The following PTPRK variants were observed in gnomAD, a reference collection of about 807,000 sequenced individuals.
PTPRK encodes the protein receptor-type tyrosine-protein phosphatase kappa.
Under a neutral mutation model 178.0 loss-of-function variants are expected in PTPRK, and 75 were observed. The ratio of observed to expected loss-of-function variants is 0.42; its 90% CI spans 0.35 to 0.51. The LOEUF (loss-of-function observed/expected upper bound fraction) is 0.51. PTPRK is among the 20% of genes least tolerant of loss of function. The probability of loss-of-function intolerance (pLI) is 0.02; values close to 1 mark genes in which losing one functional copy is unlikely to be tolerated. For missense variants in PTPRK, 1,441 were observed against 1,797.8 expected, an observed-to-expected ratio of 0.80 and a Z score of 3.59; for synonymous variants, 637 against 620.6, an observed-to-expected ratio of 1.03 and a Z score of -0.39.
intron 1 of PTPRK, among the ~76,000 whole-genome samples, chr6:128,506,420 A>G (rs1428315282): frequency 6.6e-6 from 1 of 152,052 alleles, no homozygotes; most frequent in Non-Finnish European, 1.5e-5. Flanking sequence ...CCCTCAACCT[A>G]CCTAGAGAAT....
chr6:128,479,533 C>T (rs1415923601), intron 1 of PTPRK, among the ~76,000 whole-genome samples: 1 of 152,008 alleles, frequency 6.6e-6, no homozygotes, highest in Non-Finnish European at 1.5e-5. Flanking sequence ...TTGTAGTAAA[C>T]AGATTGGGAG....
At chr6:128,390,579 C>T (rs1193819421) in intron 2 of PTPRK, among the ~76,000 whole-genome samples, 2 of 152,106 alleles carry the variant, frequency 1.3e-5, no homozygotes, top group Non-Finnish European at 2.9e-5. Flanking sequence ...AATGCCCATG[C>T]CCAAGTCAAG....
intron 7 of PTPRK, among the ~76,000 whole-genome samples, chr6:128,096,673 C>T (rs993062004): frequency 1.3e-5 from 2 of 152,166 alleles, no homozygotes; most frequent in African/African-American, 4.8e-5. Context: ...ACTAAGAACG[C>T]TGAAGCATGA....
At chr6:128,004,119 A>C (rs1022403591) in intron 15 of PTPRK, among the ~76,000 whole-genome samples, 1 of 151,924 alleles carries the variant, frequency 6.6e-6, no homozygotes, top group East Asian at 1.9e-4. Context: ...GATAATACTT[A>C]TATTGTTTCT....
intron 1 of PTPRK, among the ~76,000 whole-genome samples, chr6:128,499,365 G>T (rs2128436131): frequency 6.6e-6 from 1 of 152,350 alleles, no homozygotes; most frequent in Non-Finnish European, 1.5e-5. Context: ...AAAGGGCAAG[G>T]CATTACAATC....
chr6:128,040,120 A>G (rs1034465287), intron 13 of PTPRK, among the ~76,000 whole-genome samples: 5 of 152,118 alleles, frequency 3.3e-5, no homozygotes, highest in Non-Finnish European at 7.4e-5. Context: ...ACTTCTTAGG[A>G]ACTTCAATTT....
chr6:128,456,844 T>A (rs928201177), intron 1 of PTPRK, among the ~76,000 whole-genome samples: 3 of 152,110 alleles, frequency 2.0e-5, no homozygotes, highest in African/African-American at 4.8e-5. Flanking sequence ...AGCATTCATT[T>A]ATTCACTTCA....
At chr6:128,451,783 TAA>T (rs2128406732) in intron 1 of PTPRK, among the ~76,000 whole-genome samples, 1 of 152,288 alleles carries the variant, frequency 6.6e-6, no homozygotes, top group African/African-American at 2.4e-5. Flanking sequence ...CACATAAACC[TAA>T]GTTATTTTAG....
chr6:128,317,622 C>T (rs576733203), intron 3 of PTPRK, among the ~76,000 whole-genome samples: 1 of 152,020 alleles, frequency 6.6e-6, no homozygotes, highest in Admixed American at 6.6e-5. Context: ...TCTAAAAATT[C>T]TTTAAATAAT....
At chr6:127,978,434 C>A (rs1244425569) in intron 25 of PTPRK, among the ~76,000 whole-genome samples, 1 of 152,140 alleles carries the variant, frequency 6.6e-6, no homozygotes, top group Non-Finnish European at 1.5e-5. Context: ...TTCCTGCCAC[C>A]ATGAGAAGAA....
rs976648432 is a variant in PTPRK, at chr6:127,995,355, G to A, written c.2844+107C>T. 7.9e-6 allele frequency: 12 copies of A among 1,527,744 alleles called. No individual in the cohort carries two copies. In the African/African-American group the frequency reaches 1.7e-4, roughly 21 times the overall value. The allele number at this position is 1,527,744 out of a possible 1,614,324, so 94.6% of individuals were successfully genotyped here. On this transcript the variant is annotated intron_variant, in intron 18 of 29. Transcript: ENST00000368226. ...CAGAACAAGGAAAAGTGTACAGTTT[G>A]TACTTTTATATTTTAAAAAGCTAGC...
At position 127,996,963 on chromosome 6, in the gene PTPRK, G is replaced by C. The variant is rs765150382; in HGVS notation, c.2705C>G (p.Ser902Cys). The change falls in exon 17 of 30, where the codon TCT (serine) becomes TGT (cysteine). Residue 902 changes from serine to cysteine, a missense_variant. Around this residue, in one of 4 missense-constraint regions of PTPRK, gnomAD observed 945 missense variants for 1,080.6 expected, o/e 0.87. Transcript: ENST00000368226. ...TTGATCTTTTTTAGCTACATCCCAA[G>C]ATGCTGACTGTCCTTCAAAAAAGCT... is the stretch of plus-strand genomic sequence containing the variant. Reference protein sequence around the residue: ...YESFFEGQSASWDVAKKDQNR... With the variant: ...YESFFEGQSACWDVAKKDQNR... 6.2e-7 allele frequency: 1 copy of C among 1,611,808 alleles called. No individual in the cohort carries two copies. The highest frequency in any genetic ancestry group is 8.5e-7 in the Non-Finnish European group (1 of 1,178,836).
intron 1 of PTPRK, among the ~76,000 whole-genome samples, chr6:128,401,419 A>G (rs764828527): frequency 1.3e-5 from 2 of 152,206 alleles, no homozygotes; most frequent in African/African-American, 2.4e-5. Context: ...TAAAAGCTCT[A>G]TGAGAGAACA....
chr6:128,142,753 G>A (rs1302815965), intron 7 of PTPRK, among the ~76,000 whole-genome samples: 2 of 151,822 alleles, frequency 1.3e-5, no homozygotes, highest in Non-Finnish European at 2.9e-5. Flanking sequence ...ATTTTAATAA[G>A]GAGTGACTGT....
rs1164450520 is a variant in PTPRK, at chr6:128,464,638, C to CACATAT, written c.100+55620_100+55621insATATGT. 1.9e-3 allele frequency among the ~76,000 whole-genome samples: 90 copies of CACATAT among 48,604 alleles called. 2 individuals carry two copies. Among genetic ancestry groups the CACATAT allele is most frequent in the South Asian group, 2.8e-3 (3 of 1,080 alleles). The allele number at this position is 48,604 out of a possible 152,430, so 31.9% of individuals were successfully genotyped here. A position where few individuals can be genotyped will look rare whatever the true frequency, so the allele number is the denominator to read the frequency against. On this transcript the variant is annotated intron_variant, in intron 1 of 29. Coordinates refer to ENST00000368226, the MANE Select transcript of PTPRK (RefSeq NM_002844.4). Reference sequence around the variant, plus strand: ...ACATATACATATATATATATATACACATATATATATATATATATATATATA... The same window carrying CACATAT: ...ACATATACATATATATATATATACACACATATATATATATATATATATATATATATA...
intron 15 of PTPRK, chr6:128,000,208 GA>G (rs1777647297): frequency 9.2e-7 from 1 of 1,088,104 alleles, no homozygotes; most frequent in Admixed American, 4.6e-5. Context: ...TGTAGAGAAT[GA>G]TATTTAATTA....
intron 6 of PTPRK, 122 bp downstream of exon 6, chr6:128,218,800 T>G: frequency 1.1e-6 from 1 of 919,622 alleles, no homozygotes; most frequent in African/African-American, 1.7e-5. Context: ...TGATGATATA[T>G]TTTTTATAGT....
chr6:128,426,668 T>G (rs1844179249), intron 1 of PTPRK, among the ~76,000 whole-genome samples: 1 of 152,218 alleles, frequency 6.6e-6, no homozygotes, highest in Admixed American at 6.5e-5. Flanking sequence ...GTTCTAACAT[T>G]TTACTGAACA....
chr6:128,183,405 T>C (rs180687659), intron 7 of PTPRK, among the ~76,000 whole-genome samples: 11 of 152,290 alleles, frequency 7.2e-5, no homozygotes, highest in Admixed American at 7.2e-4. Flanking sequence ...CAGATAAATA[T>C]ATACAGCAAT....
Sources: allele counts gnomAD v4.1 joint callset (sites outside exome capture counted in the v4.1 genomes callset), GRCh38; gene constraint gnomAD v4.1.1; regional missense constraint gnomAD v4.1.1; transcripts MANE v1.5; gene names NCBI Gene and HGNC (gene_info 2026-07-23, HGNC 2026-07-21).